Variants in CTNNA3 observed in about 807,000 individuals in gnomAD.
CTNNA3 encodes catenin alpha 3, also known as catenin alpha-3.
In CTNNA3, 76 loss-of-function variants were observed where a neutral mutation model predicts 95.7. That is an observed-to-expected ratio of 0.79 (90% CI 0.66 to 0.96). The LOEUF (loss-of-function observed/expected upper bound fraction) is 0.96, where lower values mean the gene tolerates loss of function less well. Ranked by LOEUF, CTNNA3 falls within the 40% of genes least tolerant of loss-of-function variation. The pLI, the probability that CTNNA3 is intolerant of heterozygous loss-of-function variation, is 0.00. For synonymous variants in CTNNA3, 431 were observed against 374.4 expected, an observed-to-expected ratio of 1.15 and a Z score of -1.74; for missense variants, 1,191 against 1,089.8, an observed-to-expected ratio of 1.09 and a Z score of -1.31.
chr10:67,550,637 A>G (rs1190726644), intron 3 of CTNNA3, among the ~76,000 whole-genome samples: 1 of 150,982 alleles, frequency 6.6e-6, no homozygotes, highest in Non-Finnish European at 1.5e-5. Context: ...TAAAGAATAA[A>G]GAAATTCTTT....
At chr10:66,021,479 C>T (rs543124129) in intron 15 of CTNNA3, among the ~76,000 whole-genome samples, 2 of 79,912 alleles carry the variant, frequency 2.5e-5, no homozygotes, top group East Asian at 1.9e-3. Flanking sequence ...AAAGAATTTA[C>T]ATTAAAAATA....
At chr10:66,443,955 T>C (rs2093396514) in intron 11 of CTNNA3, among the ~76,000 whole-genome samples, 3 of 152,114 alleles carry the variant, frequency 2.0e-5, no homozygotes, top group South Asian at 2.1e-4. Context: ...ATAACTAGAA[T>C]AACCAATGCA....
At chr10:66,741,497 G>A (rs1237675064) in intron 9 of CTNNA3, among the ~76,000 whole-genome samples, 1 of 152,156 alleles carries the variant, frequency 6.6e-6, no homozygotes, top group Admixed American at 6.5e-5. Flanking sequence ...TAAACTGACG[G>A]CTGGGAAAAC....
rs117270396 is a variant in CTNNA3 at position 66,651,681 on chromosome 10, C to G, written c.1282-29897G>C. ...CGGCCGGCACTGCTGGGGGACCCAG[C>G]GCACCCTCTGCACCTGCTGGCCCGG... On this transcript the variant is annotated intron_variant, in intron 9 of 17. Transcript: ENST00000433211. Among the ~76,000 whole-genome samples the G allele has an allele frequency of 2.6e-5, 4 of 151,794 alleles. No homozygotes were observed. The South Asian group carries it at 8.3e-4, about 32-fold the overall frequency.
chr10:66,068,244 A>C (rs1262571643), intron 15 of CTNNA3, among the ~76,000 whole-genome samples: 2 of 152,120 alleles, frequency 1.3e-5, no homozygotes, highest in African/African-American at 4.8e-5. Context: ...TTCTTTGTCC[A>C]TTCTTCCACT....
intron 5 of CTNNA3, among the ~76,000 whole-genome samples, chr10:67,249,488 A>C (rs1266850038): frequency 6.6e-6 from 1 of 152,198 alleles, no homozygotes; most frequent in Non-Finnish European, 1.5e-5. Flanking sequence ...GTTCTTGGGA[A>C]CTGTGACTTT....
Position 65,916,119 on chromosome 10 carries a change from T to C in CTNNA3, c.*4211A>G, listed in dbSNP as rs755583317. ...ATATCATAATGGTATGGGAAAAGAG[T>C]CATAAAGAAAAAAATGGAATTTTCA... On this transcript the variant is annotated 3_prime_UTR_variant, in exon 18 of 18. Transcript: ENST00000433211. The C allele has an allele frequency of 2.7e-4, 41 of 151,688 alleles. No homozygotes were observed. The highest frequency in any genetic ancestry group is 4.3e-4 in the Non-Finnish European group (29 of 67,916). 9.4% of individuals were successfully genotyped at this position (151,688 alleles called of 1,614,324 possible). A position where few individuals can be genotyped will look rare whatever the true frequency, so the allele number is the denominator to read the frequency against.
Position 66,926,533 on chromosome 10 carries a change from C to G in CTNNA3, c.1048-151009G>C, listed in dbSNP as rs373835317. On this transcript the variant is annotated intron_variant, in intron 7 of 17. Coordinates refer to ENST00000433211, the MANE Select transcript of CTNNA3 (RefSeq NM_013266.4). ...CTGACAGGGGCTGTCATGCAACTGG[C>G]CCCTAAGCCAAAGCAAAAGACCTAA... 6 of 1,610,538 alleles carry G rather than the reference C, an allele frequency of 3.7e-6. No homozygotes were observed. In the African/African-American group the frequency reaches 8.0e-5, roughly 22 times the overall value.
chr10:67,198,674 C>G (rs537683947), intron 6 of CTNNA3, among the ~76,000 whole-genome samples: 40 of 152,064 alleles, frequency 2.6e-4, no homozygotes, highest in African/African-American at 9.7e-4. Context: ...CATAGGGTGT[C>G]GATGCAAGAC....
intron 13 of CTNNA3, among the ~76,000 whole-genome samples, chr10:66,124,180 G>A (rs2082715182): frequency 6.6e-6 from 1 of 151,934 alleles, no homozygotes. Flanking sequence ...CATCTTGAAT[G>A]CTTTGCTGCT....
chr10:66,699,848 G>C (rs1177982390), intron 9 of CTNNA3, among the ~76,000 whole-genome samples: 3 of 151,774 alleles, frequency 2.0e-5, no homozygotes, highest in Non-Finnish European at 4.4e-5. Flanking sequence ...GTAGAGATGG[G>C]GTTTCTCCAT....
chr10:67,450,757 C>G (rs1011599726), intron 5 of CTNNA3, among the ~76,000 whole-genome samples: 2 of 151,638 alleles, frequency 1.3e-5, no homozygotes, highest in Admixed American at 6.6e-5. Context: ...TATAAAAAAC[C>G]TGCACATGTA....
intron 5 of CTNNA3, among the ~76,000 whole-genome samples, chr10:67,315,413 T>C (rs1365409398): frequency 6.6e-6 from 1 of 152,176 alleles, no homozygotes; most frequent in East Asian, 1.9e-4. Flanking sequence ...ATATCTAAAG[T>C]ATCTCAGTAA....
chr10:66,354,083 G>A (rs1206773043), intron 12 of CTNNA3, among the ~76,000 whole-genome samples: 1 of 152,006 alleles, frequency 6.6e-6, no homozygotes, highest in Non-Finnish European at 1.5e-5. Flanking sequence ...AGGAGGTCGA[G>A]ACCAGCCTGG....
chr10:67,676,385 A>G (rs1840535025), intron 1 of CTNNA3, among the ~76,000 whole-genome samples: 2 of 152,212 alleles, frequency 1.3e-5, no homozygotes, highest in African/African-American at 4.8e-5. Context: ...ATATGTTATG[A>G]TGTCATATTT....
chr10:66,507,765 G>T (rs188810439), intron 11 of CTNNA3, among the ~76,000 whole-genome samples: 1 of 151,302 alleles, frequency 6.6e-6, no homozygotes, highest in Non-Finnish European at 1.5e-5. Context: ...TGGACATTTA[G>T]GTTCATTCCA....
chr10:67,200,206 G>A (rs1437461307), intron 6 of CTNNA3, among the ~76,000 whole-genome samples: 1 of 151,940 alleles, frequency 6.6e-6, no homozygotes, highest in African/African-American at 2.4e-5. Context: ...AAATTTAAAG[G>A]GTTTTTAAAT....
In CTNNA3 at chr10:66,775,508, C is replaced by T. The variant is rs375610128; in HGVS notation, c.1064G>A (p.Arg355Lys). The change falls in exon 8 of 18, where the codon AGG becomes AAG. Residue 355 changes from arginine (R) to lysine (K), a missense_variant. By Grantham distance (26) the Arg-to-Lys change is conservative. Transcript: ENST00000433211. Reference sequence around the variant, plus strand: ...TAAAGCAATATTCAGGGTATTACTCCTTTCTTTTTTTCCAGCCTGCAAAGA... The same window carrying T: ...TAAAGCAATATTCAGGGTATTACTCTTTTCTTTTTTTCCAGCCTGCAAAGA... ...EYMNNAGKKE[R>K]SNTLNIALDN... 2.4e-5 allele frequency: 39 copies of T among 1,608,238 alleles called. No individual in the cohort carries two copies. The Middle Eastern group carries it at 8.3e-4, about 34-fold the overall frequency.
rs1843089853 is a variant in CTNNA3, at chr10:66,578,802, G to GT, written c.1374+42889dup. Among the ~76,000 whole-genome samples, 23 of 131,066 alleles carry GT rather than the reference G, an allele frequency of 1.8e-4. No individual in the cohort carries two copies. In the South Asian group the frequency reaches 3.5e-3, roughly 20 times the overall value. The allele number at this position is 131,066 out of a possible 152,430, so 86.0% of individuals were successfully genotyped here. A position where few individuals can be genotyped will look rare whatever the true frequency, so the allele number is the denominator to read the frequency against. On this transcript the variant is annotated intron_variant, in intron 10 of 17. Coordinates refer to ENST00000433211, the MANE Select transcript of CTNNA3 (RefSeq NM_013266.4). ...TTTCTTTCTTTTTTTTTTTTTGTTTGTTGTTGTTGTTGTGTCTCTGTCACA... is the reference window on the plus strand; with the variant it reads ...TTTCTTTCTTTTTTTTTTTTTGTTTGTTTGTTGTTGTTGTGTCTCTGTCACA...
Sources: gnomAD v4.1 joint callset for allele counts (sites outside exome capture counted in the v4.1 genomes callset) on GRCh38, gnomAD v4.1.1 for gene constraint, MANE v1.5 for transcripts, NCBI Gene and HGNC (gene_info 2026-07-23, HGNC 2026-07-21) for gene names.